Variants in COL5A2 observed in about 807,000 individuals in gnomAD.
The protein encoded by COL5A2 is collagen type V alpha 2 chain, also known as collagen alpha-2(V) chain.
A neutral mutation model predicts 208.2 loss-of-function variants in COL5A2; 23 were observed. The ratio of observed to expected loss-of-function variants is 0.11; its 90% CI spans 0.08 to 0.16. The LOEUF (loss-of-function observed/expected upper bound fraction) is 0.16, where lower values mean the gene tolerates loss of function less well. COL5A2 is among the 10% of genes least tolerant of loss of function. COL5A2 has a pLI of 1.00. For missense variants in COL5A2, 1,590 were observed against 1,956.4 expected (o/e 0.81, Z 3.53); for synonymous variants, 625 against 628.5 (o/e 0.99, Z 0.08).
intron 9 of COL5A2, 82 bp from the exon 10 acceptor site, chr2:189,085,854 T>C: frequency 5.2e-6 from 6 of 1,161,530 alleles, no homozygotes; most frequent in Non-Finnish European, 7.7e-6. Context: ...TACAGTGTAA[T>C]TGTTTAGACA....
chr2:189,328,804 C>A, the COL5A2 span, among the ~76,000 whole-genome samples: 1 of 152,162 alleles, frequency 6.6e-6, no homozygotes, highest in South Asian at 2.1e-4. Flanking sequence ...GCACTGAAAG[C>A]CTATGCCTGT....
chr2:189,404,265 C>T, the COL5A2 span, among the ~76,000 whole-genome samples: 1 of 151,918 alleles, frequency 6.6e-6, no homozygotes, highest in South Asian at 2.1e-4. Flanking sequence ...GAAGATCTAC[C>T]CTCACCAATG....
intron 50 of COL5A2, 47 bp downstream of exon 50, chr2:189,041,539 C>G: frequency 1.4e-6 from 2 of 1,402,094 alleles, no homozygotes; most frequent in Non-Finnish European, 1.0e-6. Flanking sequence ...GGAATCTGAG[C>G]TATTGAATAA....
At chr2:189,130,410 C>A (rs1687687912) in intron 1 of COL5A2, among the ~76,000 whole-genome samples, 2 of 151,966 alleles carry the variant, frequency 1.3e-5, no homozygotes, top group African/African-American at 4.8e-5. Flanking sequence ...CTAATATGTG[C>A]TCAATTTAAA....
the COL5A2 span, among the ~76,000 whole-genome samples, chr2:189,429,720 T>A: frequency 6.6e-6 from 1 of 152,348 alleles, no homozygotes; most frequent in East Asian, 1.9e-4. Flanking sequence ...TAATTCCTCC[T>A]TGTTTAGTTG....
At chr2:189,360,975 T>G in the COL5A2 span, among the ~76,000 whole-genome samples, 2 of 151,708 alleles carry the variant, frequency 1.3e-5, no homozygotes, top group African/African-American at 2.4e-5. Context: ...CTGTTCTGTT[T>G]TTTTTTTTTT....
At chr2:189,357,869 T>A in the COL5A2 span, among the ~76,000 whole-genome samples, 1 of 151,268 alleles carries the variant, frequency 6.6e-6, no homozygotes, top group Admixed American at 6.6e-5. Context: ...CCAGAGGGAA[T>A]CTCCTGGTCT....
At chr2:189,426,679 A>C in the COL5A2 span, among the ~76,000 whole-genome samples, 14 of 152,314 alleles carry the variant, frequency 9.2e-5, no homozygotes, top group Non-Finnish European at 1.9e-4. Context: ...GGGTTCACAA[A>C]CTTCAGTAAA....
At chr2:189,246,860 T>A in the COL5A2 span, among the ~76,000 whole-genome samples, 2 of 152,188 alleles carry the variant, frequency 1.3e-5, no homozygotes, top group Non-Finnish European at 2.9e-5. Flanking sequence ...TTTGAAGCCA[T>A]AAGACTCAGC....
the COL5A2 span, among the ~76,000 whole-genome samples, chr2:189,342,197 C>CGTT: frequency 0.025 from 3,454 of 135,522 alleles, 143 homozygotes; most frequent in African/African-American, 0.088. Flanking sequence ...CTAGTGTGCT[C>CGTT]TTTTTTTTTT....
chr2:189,063,085 T>G (rs544901259), intron 27 of COL5A2, 22 bp from the exon 28 acceptor site: 1 of 1,614,070 alleles, frequency 6.2e-7, no homozygotes, highest in South Asian at 1.1e-5. Flanking sequence ...ATGAAACTTT[T>G]GTATAATTCC....
chr2:189,117,986 G>C (rs1459398541), intron 1 of COL5A2, among the ~76,000 whole-genome samples: 1 of 152,014 alleles, frequency 6.6e-6, no homozygotes, highest in African/African-American at 2.4e-5. Context: ...ATATGGTAAA[G>C]TCATTTCATA....
the COL5A2 span, among the ~76,000 whole-genome samples, chr2:189,261,267 T>A: frequency 6.6e-6 from 1 of 152,180 alleles, no homozygotes; most frequent in East Asian, 1.9e-4. Context: ...GTATCCCTAA[T>A]TGAAATTATA....
Position 189,092,406 on chromosome 2 carries a change from A to T in COL5A2, c.471T>A (p.Pro157=). ...GPKGRPGPRG[P]QGIDGEPGVP... ...CACCTGGTTCTCCATCAATTCCCTG[A>T]GGTCCACGAGGGCCCTGGAAAACAA... Residue 157 remains proline, a synonymous_variant, in exon 7 of 54, where the codon CCT becomes CCA. Coordinates refer to ENST00000374866, the MANE Select transcript of COL5A2 (RefSeq NM_000393.5). 6.3e-7 allele frequency: 1 copy of T among 1,597,264 alleles called. No homozygotes were observed. Among genetic ancestry groups the T allele is most frequent in the Non-Finnish European group, 8.5e-7 (1 of 1,170,486 alleles).
chr2:189,122,818 A>T (rs7606337), intron 1 of COL5A2, among the ~76,000 whole-genome samples: 117,077 of 152,148 alleles, frequency 0.77, 48,450 homozygotes, highest in Non-Finnish European at 0.91. Context: ...ATTAAAGATA[A>T]ATCAGAAATA....
chr2:189,374,269 CTTT>C, the COL5A2 span, among the ~76,000 whole-genome samples: 2 of 151,288 alleles, frequency 1.3e-5, no homozygotes. Flanking sequence ...TTTTGCATAT[CTTT>C]TTCTTTACTA....
Position 189,088,682 on chromosome 2 carries a change from A to C in COL5A2, c.645+13T>G. 1.2e-6 allele frequency: 2 copies of C among 1,608,006 alleles called. No homozygotes were observed. The highest frequency in any genetic ancestry group is 8.5e-7 in the Non-Finnish European group (1 of 1,174,530). ...ACTGAAGTACTTCAATGATCAGTAA[A>C]ATTTATGCTTACCACAGAGCCAGGC... On this transcript the variant is annotated intron_variant, in intron 8 of 53. Transcript: ENST00000374866.
chr2:189,372,587 T>C, the COL5A2 span, among the ~76,000 whole-genome samples: 5 of 152,164 alleles, frequency 3.3e-5, no homozygotes, highest in Admixed American at 2.0e-4. Flanking sequence ...TCTGGAATCA[T>C]ATTTTAAAAT....
the COL5A2 span, among the ~76,000 whole-genome samples, chr2:189,278,519 A>G: frequency 6.6e-6 from 1 of 152,072 alleles, no homozygotes. Context: ...GTTTTCAAAT[A>G]GTTTTTAGAA....
Sources: allele counts gnomAD v4.1 joint callset (sites outside exome capture counted in the v4.1 genomes callset), GRCh38; gene constraint gnomAD v4.1.1; transcripts MANE v1.5; gene names NCBI Gene and HGNC (gene_info 2026-07-23, HGNC 2026-07-21).